Variants in SFI1 observed in about 807,000 individuals in gnomAD.
The protein encoded by SFI1 is SFI1 centrin binding protein.
A neutral mutation model predicts 207.5 loss-of-function variants in SFI1; 195 were observed. The observed-to-expected ratio is 0.94, with a 90% CI of 0.84 to 1.06. The LOEUF (loss-of-function observed/expected upper bound fraction) is 1.06. Ranked by LOEUF, SFI1 falls within the 50% of genes least tolerant of loss-of-function variation. SFI1 has a pLI of 0.00. For synonymous variants in SFI1, 630 were observed against 598.9 expected (o/e 1.05, Z -0.76); for missense variants, 1,634 against 1,588.0 (o/e 1.03, Z -0.49).
At chr22:31,498,883 A>T (rs1445661579) in intron 1 of SFI1, among the ~76,000 whole-genome samples, 2 of 121,976 alleles carry the variant, frequency 1.6e-5, no homozygotes, top group Admixed American at 1.8e-4. Flanking sequence ...TTTGAGATGG[A>T]GTTTCACTCT....
chr22:31,550,127 C>G (rs750000795), intron 5 of SFI1, 127 bp from the exon 6 acceptor site: 12 of 604,016 alleles, frequency 2.0e-5, no homozygotes, highest in Non-Finnish European at 2.9e-5. Context: ...TGGGGTTTCA[C>G]CATATCGGCC....
chr22:31,606,900 A>G (rs2069123983), intron 21 of SFI1, among the ~76,000 whole-genome samples: 1 of 151,456 alleles, frequency 6.6e-6, no homozygotes, highest in African/African-American at 2.4e-5. Flanking sequence ...GTTTCACCAC[A>G]TTGGCTAGGC....
intron 2 of SFI1, among the ~76,000 whole-genome samples, chr22:31,514,918 T>A (rs2056272745): frequency 6.6e-6 from 1 of 152,010 alleles, no homozygotes; most frequent in Non-Finnish European, 1.5e-5. Flanking sequence ...ACTACAGGCG[T>A]GTGCCACCAT....
At chr22:31,588,184 A>T (rs1248956721) in intron 14 of SFI1, among the ~76,000 whole-genome samples, 2 of 152,224 alleles carry the variant, frequency 1.3e-5, no homozygotes, top group Non-Finnish European at 2.9e-5. Context: ...CGTTTTCTTC[A>T]CACACATCTA....
intron 9 of SFI1, 87 bp downstream of exon 9, chr22:31,573,301 A>G: frequency 7.2e-7 from 1 of 1,396,984 alleles, no homozygotes; most frequent in South Asian, 1.5e-5. Context: ...CTAAGAAGTA[A>G]TATAATGGTG....
At chr22:31,604,236 A>G (rs1456021193) in intron 18 of SFI1, 73 bp from the exon 19 acceptor site, 1 of 1,152,370 alleles carries the variant, frequency 8.7e-7, no homozygotes, top group Non-Finnish European at 1.3e-6. Context: ...GATGTATAAA[A>G]TGGAGGCAAA....
intron 4 of SFI1, among the ~76,000 whole-genome samples, chr22:31,544,144 A>T (rs909778575): frequency 2.6e-5 from 4 of 151,822 alleles, no homozygotes; most frequent in Non-Finnish European, 5.9e-5. Flanking sequence ...AGCAGAGATC[A>T]TGCCACTGCA....
intron 3 of SFI1, chr22:31,530,854 A>T (rs2147375480): frequency 1.8e-6 from 1 of 563,274 alleles, no homozygotes; most frequent in Non-Finnish European, 3.2e-6. Context: ...AATATTTTTT[A>T]AAAATAATCT....
rs200318774 is a variant in SFI1, at chr22:31,606,404, C to T, written c.2131C>T (p.His711Tyr). ...CAAAAAAACCTTTCAAGCAAGTACT[C>T]ATTACAGAAGGACCATATGTTCCAA... ...EAKKTFQASTHYRRTICSKVL... is the reference protein window; with the variant it reads ...EAKKTFQASTYYRRTICSKVL... Residue 711 changes from histidine to tyrosine, a missense_variant, in exon 21 of 33, where the codon CAT becomes TAT. Physicochemically the swap from His to Tyr is moderately conservative, Grantham distance 83. Coordinates refer to ENST00000400288, the MANE Select transcript of SFI1 (RefSeq NM_001007467.3). 58 of 1,613,680 alleles carry T rather than the reference C, an allele frequency of 3.6e-5. No individual in the cohort carries two copies. In the Middle Eastern group the frequency reaches 4.9e-4, roughly 14 times the overall value.
rs34786668 is a variant in SFI1, at chr22:31,507,933, G to C, written c.-30-322G>C. ...CTACTGAAAAATACAAAAATTAGTT[G>C]GGTGTGGTGGCAGGTACCTGTAATC... On this transcript the variant is annotated intron_variant, in intron 1 of 32. Transcript: ENST00000400288. Among the ~76,000 whole-genome samples, 463 of 152,130 alleles carry C rather than the reference G, an allele frequency of 3.0e-3. 2 individuals are homozygous for C. The highest frequency in any genetic ancestry group is 4.8e-3 in the Non-Finnish European group (326 of 67,992).
At chr22:31,504,960 C>T (rs2054388203) in intron 1 of SFI1, among the ~76,000 whole-genome samples, 1 of 152,144 alleles carries the variant, frequency 6.6e-6, no homozygotes, top group African/African-American at 2.4e-5. Flanking sequence ...CAGATAATGT[C>T]ACATTCGCAG....
intron 4 of SFI1, among the ~76,000 whole-genome samples, chr22:31,542,995 G>A (rs1349764753): frequency 6.5e-5 from 8 of 123,124 alleles, no homozygotes; most frequent in Admixed American, 2.8e-4. Context: ...TTTTTGAGAC[G>A]GAGTCTCACT....
chr22:31,553,460 A>T (rs1408046438), intron 6 of SFI1, among the ~76,000 whole-genome samples: 1 of 148,372 alleles, frequency 6.7e-6, no homozygotes, highest in Non-Finnish European at 1.5e-5. Flanking sequence ...GGTTTAAGTG[A>T]TTCTCCCACC....
In SFI1 at chr22:31,608,008, G is replaced by A. The variant is rs756683489; in HGVS notation, c.2229G>A (p.Trp743Ter). ...GACAGCAGGAGGACTGTGCCATCTG[G>A]GAGGCCCAGAAGGTGCTGGACAGGG... ...YYRQQEDCAI[W>*]EAQKVLDRGC... The change falls in exon 22 of 33, where the codon TGG becomes TGA. Residue 743 changes from tryptophan (W) to a stop codon, truncating the protein, a stop_gained. Transcript: ENST00000400288. LOFTEE classifies it high-confidence loss of function. 2 of 1,613,940 alleles carry A rather than the reference G, an allele frequency of 1.2e-6. No individual in the cohort carries two copies. Among genetic ancestry groups the A allele is most frequent in the Non-Finnish European group, 1.7e-6 (2 of 1,179,898 alleles).
intron 4 of SFI1, 91 bp downstream of exon 4, chr22:31,531,220 G>C (rs199649817): frequency 9.6e-6 from 10 of 1,041,564 alleles, no homozygotes; most frequent in Non-Finnish European, 1.1e-5. Flanking sequence ...ATTATGGCTT[G>C]TGCTGTTACA....
intron 22 of SFI1, among the ~76,000 whole-genome samples, chr22:31,609,972 T>C (rs1347415919): frequency 1.3e-5 from 2 of 152,204 alleles, no homozygotes; most frequent in African/African-American, 2.4e-5. Flanking sequence ...GCCGCTGCTC[T>C]CTGAAGGACT....
chr22:31,562,535 C>CTTT (rs1051858192), intron 8 of SFI1, among the ~76,000 whole-genome samples: 1 of 151,758 alleles, frequency 6.6e-6, no homozygotes, highest in Non-Finnish European at 1.5e-5. Context: ...TTTCATAAAC[C>CTTT]TTTTTTAAAA....
chr22:31,605,397 C>T (rs951083916), intron 20 of SFI1: 1 of 154,318 alleles, frequency 6.5e-6, no homozygotes. Context: ...GCACCACTCA[C>T]CCCTGTGGAG....
At chr22:31,514,265 G>T (rs1375159126) in intron 2 of SFI1, among the ~76,000 whole-genome samples, 1 of 151,746 alleles carries the variant, frequency 6.6e-6, no homozygotes, top group Admixed American at 6.6e-5. Flanking sequence ...CAGCACTTTG[G>T]GAGGCCAAGG....
Sources: gnomAD v4.1 joint callset for allele counts (sites outside exome capture counted in the v4.1 genomes callset) on GRCh38, gnomAD v4.1.1 for gene constraint, MANE v1.5 for transcripts, NCBI Gene and HGNC (gene_info 2026-07-23, HGNC 2026-07-21) for gene names.